Variants in DYNC2H1 observed in about 807,000 individuals in gnomAD.
DYNC2H1 encodes dynein cytoplasmic 2 heavy chain 1.
A neutral mutation model predicts 570.0 loss-of-function variants in DYNC2H1; 410 were observed. That is an observed-to-expected ratio of 0.72 (90% CI 0.66 to 0.78). DYNC2H1 has a LOEUF of 0.78. DYNC2H1 is among the 30% of genes least tolerant of loss of function. DYNC2H1 has a pLI of 0.00. For synonymous variants in DYNC2H1, 1,688 were observed against 1,677.6 expected (o/e 1.01, Z -0.15); for missense variants, 4,865 against 5,046.4 (o/e 0.96, Z 1.09).
At chr11:103,398,385 GA>G (rs1296489021) in intron 83 of DYNC2H1, among the ~76,000 whole-genome samples, 1 of 152,142 alleles carries the variant, frequency 6.6e-6, no homozygotes, top group African/African-American at 2.4e-5. Flanking sequence ...CAGTGATAGG[GA>G]TAAAAATGTC....
rs112897043 is a variant in DYNC2H1, at chr11:103,128,783, G to A, written c.1858-127G>A. The A allele has an allele frequency of 1.2e-3, 871 of 737,438 alleles. 6 individuals are homozygous for A. The African/African-American group carries it at 0.015, about 12-fold the overall frequency. 45.7% of individuals were successfully genotyped at this position (737,438 alleles called of 1,614,324 possible). A position where few individuals can be genotyped will look rare whatever the true frequency, so the allele number is the denominator to read the frequency against. On this transcript the variant is annotated intron_variant, in intron 12 of 88. Transcript: ENST00000375735. ...ATACATGAACAAATGCCCTATTGGA[G>A]ATGAAAAACCAATTTTCTGTTTAAA...
chr11:103,198,401 T>C (rs1862584821), intron 48 of DYNC2H1, among the ~76,000 whole-genome samples: 1 of 152,138 alleles, frequency 6.6e-6, no homozygotes, highest in Non-Finnish European at 1.5e-5. Flanking sequence ...GATTCCTGGG[T>C]CTCATCCTCT....
intron 82 of DYNC2H1, among the ~76,000 whole-genome samples, chr11:103,350,745 C>A (rs1380218976): frequency 3.9e-5 from 6 of 152,050 alleles, no homozygotes. Context: ...CCTCACATGT[C>A]CTTTCCTTTG....
At chr11:103,454,264 T>G (rs1462440824) in intron 85 of DYNC2H1, among the ~76,000 whole-genome samples, 3 of 152,142 alleles carry the variant, frequency 2.0e-5, no homozygotes, top group Non-Finnish European at 4.4e-5. Flanking sequence ...AATGAATTAC[T>G]GAGTAAATGA....
At chr11:103,166,920 C>T (rs1861331079) in intron 31 of DYNC2H1, among the ~76,000 whole-genome samples, 2 of 148,942 alleles carry the variant, frequency 1.3e-5, no homozygotes, top group South Asian at 2.1e-4. Context: ...ACTCTTTCTC[C>T]TATATTCTGA....
chr11:103,162,535 CAAA>C (rs1176315923), intron 29 of DYNC2H1, among the ~76,000 whole-genome samples: 1 of 151,952 alleles, frequency 6.6e-6, no homozygotes, highest in Non-Finnish European at 1.5e-5. Context: ...TCTAAGCCCC[CAAA>C]TAATACATTT....
intron 79 of DYNC2H1, among the ~76,000 whole-genome samples, chr11:103,312,575 A>G (rs1215080148): frequency 2.0e-5 from 3 of 146,608 alleles, no homozygotes; most frequent in African/African-American, 7.6e-5. Context: ...AACCAATTGT[A>G]ATGTAGTATA....
At chr11:103,429,810 TAC>T (rs1489080460) in intron 84 of DYNC2H1, among the ~76,000 whole-genome samples, 1 of 152,338 alleles carries the variant, frequency 6.6e-6, no homozygotes, top group East Asian at 1.9e-4. Flanking sequence ...AAGTTGAAAT[TAC>T]AGTGACCTCT....
chr11:103,175,687 C>T (rs190834410), intron 36 of DYNC2H1, among the ~76,000 whole-genome samples: 29 of 152,154 alleles, frequency 1.9e-4, no homozygotes, highest in African/African-American at 4.6e-4. Flanking sequence ...AAGATTGTTG[C>T]GCAGTTTGTT....
chr11:103,396,965 C>G (rs745887931), intron 83 of DYNC2H1, among the ~76,000 whole-genome samples: 1 of 152,030 alleles, frequency 6.6e-6, no homozygotes, highest in Non-Finnish European at 1.5e-5. Context: ...AGATATGGGG[C>G]ACTGTAAAAG....
At chr11:103,225,030 T>C (rs1213151904) in intron 59 of DYNC2H1, among the ~76,000 whole-genome samples, 2 of 152,236 alleles carry the variant, frequency 1.3e-5, no homozygotes, top group African/African-American at 2.4e-5. Flanking sequence ...CATATGCTTG[T>C]TGGCCATTTG....
In DYNC2H1 at chr11:103,358,155, C is replaced by T. The variant is rs191507341; in HGVS notation, c.12040-88C>T. On this transcript the variant is annotated intron_variant, in intron 82 of 88. Transcript: ENST00000375735. Reference sequence around the variant, plus strand: ...ATTTTTGGTCTCTATTTTTATAAAACAAAATGTCTGTTTTTGTACCTATGT... The same window carrying T: ...ATTTTTGGTCTCTATTTTTATAAAATAAAATGTCTGTTTTTGTACCTATGT... 8.2e-4 allele frequency: 569 copies of T among 692,438 alleles called. 8 individuals carry two copies. In the East Asian group the frequency reaches 0.014, roughly 17 times the overall value. The allele number at this position is 692,438 out of a possible 1,614,324, so 42.9% of individuals were successfully genotyped here. A position where few individuals can be genotyped will look rare whatever the true frequency, so the allele number is the denominator to read the frequency against.
chr11:103,120,108 G>T (rs1858621451), intron 6 of DYNC2H1, among the ~76,000 whole-genome samples: 2 of 152,024 alleles, frequency 1.3e-5, no homozygotes, highest in African/African-American at 4.8e-5. Flanking sequence ...TTAAGGGTAG[G>T]CTCTAAAAAT....
In DYNC2H1 at chr11:103,260,032, G is replaced by A. The variant is rs762379228; in HGVS notation, c.10695+55G>A. On this transcript the variant is annotated intron_variant, in intron 70 of 88. Coordinates refer to ENST00000375735, the MANE Select transcript of DYNC2H1 (RefSeq NM_001377.3). ...AATACTACTTGTTCTGTGATTTAAC[G>A]TAATATTTATAGTTATAGTATAACT... is the stretch of plus-strand genomic sequence containing the variant. The A allele has an allele frequency of 6.0e-5, 56 of 941,060 alleles. 1 individual carries two copies. In the East Asian group the frequency reaches 9.0e-4, roughly 15 times the overall value. The allele number at this position is 941,060 out of a possible 1,614,324, so 58.3% of individuals were successfully genotyped here. A position where few individuals can be genotyped will look rare whatever the true frequency, so the allele number is the denominator to read the frequency against.
rs1211526228 is a variant in DYNC2H1, at chr11:103,254,015, G to C, written c.10206+567G>C. 6.6e-6 allele frequency among the ~76,000 whole-genome samples: 1 copy of C among 151,690 alleles called. No individual in the cohort carries two copies. The highest frequency in any genetic ancestry group is 2.4e-5 in the African/African-American group (1 of 41,278). On this transcript the variant is annotated intron_variant, in intron 66 of 88. Coordinates refer to ENST00000375735, the MANE Select transcript of DYNC2H1 (RefSeq NM_001377.3). The surrounding 1 kb of genome is among the most constrained non-coding windows in gnomAD (Gnocchi z 4.9). ...AAAGATATAATGCCAGTTGACTTTTGGAGTATCATCCTATTTTTTACTCAT... is the reference window on the plus strand; with the variant it reads ...AAAGATATAATGCCAGTTGACTTTTCGAGTATCATCCTATTTTTTACTCAT...
intron 6 of DYNC2H1, among the ~76,000 whole-genome samples, chr11:103,120,187 A>T (rs1196823519): frequency 6.6e-6 from 1 of 152,186 alleles, no homozygotes; most frequent in Non-Finnish European, 1.5e-5. Context: ...AACATAGTTT[A>T]AAAATGTTTA....
At chr11:103,364,980 A>C (rs1940833751) in intron 83 of DYNC2H1, among the ~76,000 whole-genome samples, 1 of 152,218 alleles carries the variant, frequency 6.6e-6, no homozygotes, top group Non-Finnish European at 1.5e-5. Flanking sequence ...ACTGCAGGCC[A>C]AGGATGACTC....
chr11:103,183,190 T>TTATA (rs1272406430), intron 40 of DYNC2H1, among the ~76,000 whole-genome samples: 8 of 151,952 alleles, frequency 5.3e-5, no homozygotes, highest in Non-Finnish European at 1.2e-4. Flanking sequence ...TTGTGCTTAA[T>TTATA]TATATACCTG....
intron 83 of DYNC2H1, among the ~76,000 whole-genome samples, chr11:103,358,848 ATG>A (rs1236963966): frequency 6.6e-6 from 1 of 152,218 alleles, no homozygotes; most frequent in Non-Finnish European, 1.5e-5. Context: ...TCTGAGAATA[ATG>A]TGTGATTGTT....
Sources: allele counts gnomAD v4.1 joint callset (sites outside exome capture counted in the v4.1 genomes callset), GRCh38; gene constraint gnomAD v4.1.1; non-coding constraint Gnocchi (gnomAD v3.1); transcripts MANE v1.5; gene names NCBI Gene and HGNC (gene_info 2026-07-23, HGNC 2026-07-21).